The following ARRB2 variants were observed in gnomAD, a reference collection of about 807,000 sequenced individuals.
The protein encoded by ARRB2 is arrestin beta 2.
ARRB2 carries 21 observed loss-of-function variants against 53.4 expected under a neutral mutation model. That is an observed-to-expected ratio of 0.39 (90% CI 0.28 to 0.57). ARRB2 has a LOEUF of 0.57. ARRB2 is among the 20% of genes least tolerant of loss of function. The pLI, the probability that ARRB2 is intolerant of heterozygous loss-of-function variation, is 0.55. For synonymous variants in ARRB2, 180 were observed against 212.9 expected (o/e 0.85, Z 1.34); for missense variants, 369 against 527.5 (o/e 0.70, Z 2.94).
In ARRB2 at chr17:4,719,418, C is replaced by G; in HGVS notation, c.915C>G (p.Thr305=). 6.2e-7 allele frequency: 1 copy of G among 1,613,732 alleles called. No individual in the cohort carries two copies. The highest frequency in any genetic ancestry group is 8.5e-7 in the Non-Finnish European group (1 of 1,179,762). The change falls in exon 11 of 15, where the codon ACC becomes ACG. Residue 305 remains threonine (T), a splice_region_variant and synonymous_variant. Transcript: ENST00000269260. The part of the protein sequence containing the change: ...KHEDTNLASS[T]IVKEGANKEV... ...AGGACACCAACCTGGCTTCCAGCAC[C>G]ATGTGAGGGTGGGGCTGGGGCGGGT... is the stretch of plus-strand genomic sequence containing the variant.
At chr17:4,720,763 T>C in intron 14 of ARRB2, 123 bp downstream of exon 14, 3 of 1,089,574 alleles carry the variant, frequency 2.8e-6, no homozygotes, top group Non-Finnish European at 3.9e-6. Context: ...CAAATCAAGA[T>C]GCCTTAGCCT....
At chr17:4,711,751 T>G (rs1285493221) in intron 1 of ARRB2, among the ~76,000 whole-genome samples, 1 of 152,148 alleles carries the variant, frequency 6.6e-6, no homozygotes, top group Admixed American at 6.5e-5. Flanking sequence ...TGCTGACTTG[T>G]GGGAGGCCCC....
chr17:4,718,376 G>A (rs150965794), intron 9 of ARRB2, 31 bp downstream of exon 9: 11 of 1,587,898 alleles, frequency 6.9e-6, no homozygotes, highest in Middle Eastern at 1.7e-4. Flanking sequence ...GGGGGTCTTC[G>A]GGGAGGGCGT....
intron 1 of ARRB2, 115 bp from the exon 2 acceptor site, chr17:4,714,898 C>T: frequency 9.1e-7 from 1 of 1,102,788 alleles, no homozygotes; most frequent in Non-Finnish European, 1.3e-6. Context: ...CCCACAGCCT[C>T]AGGCAGGAGG....
chr17:4,715,119 C>A, intron 2 of ARRB2, 76 bp downstream of exon 2: 2 of 1,514,058 alleles, frequency 1.3e-6, no homozygotes, highest in East Asian at 2.3e-5. Context: ...AGACGATCCC[C>A]AACCTACCCA....
Position 4,718,030 on chromosome 17 carries a change from C to T in ARRB2, c.621+7C>T, listed in dbSNP as rs753693235. The T allele has an allele frequency of 1.1e-5, 18 of 1,612,704 alleles. No homozygotes were observed. Among genetic ancestry groups the T allele is most frequent in the East Asian group, 8.9e-5 (4 of 44,856 alleles). On this transcript the variant is annotated splice_region_variant and intron_variant, in intron 8 of 14. Transcript: ENST00000269260. Reference sequence around the variant, plus strand: ...GGCTTCCCTGGACAAGGAGGTGGGGCGTGAGAGGGTGACACGGATGCCACG... The same window carrying T: ...GGCTTCCCTGGACAAGGAGGTGGGGTGTGAGAGGGTGACACGGATGCCACG...
At position 4,716,539 on chromosome 17, in the gene ARRB2, G is replaced by GCCCC; in HGVS notation, c.291_294dup (p.Thr99ProfsTer49). On this transcript the variant is annotated frameshift_variant, in exon 5 of 15. Coordinates refer to ENST00000269260, the MANE Select transcript of ARRB2 (RefSeq NM_004313.4). LOFTEE classifies it high-confidence loss of function. Reference sequence around the variant, plus strand: ...TCCCCCCGGTGCCCAACCCACCCCGGCCCCCCACCCGCCTGCAGGACCGGC... The same window carrying GCCCC: ...TCCCCCCGGTGCCCAACCCACCCCGGCCCCCCCCCCACCCGCCTGCAGGACCGGC... 2 of 1,166,854 alleles carry GCCCC rather than the reference G, an allele frequency of 1.7e-6. No individual in the cohort carries two copies. The highest frequency in any genetic ancestry group is 1.2e-5 in the South Asian group (1 of 82,332). 72.3% of individuals were successfully genotyped at this position (1,166,854 alleles called of 1,614,324 possible).
chr17:4,715,811 C>T lies in ARRB2; in HGVS notation c.55-162C>T, dbSNP rs527786113. The T allele has an allele frequency of 1.7e-5, 13 of 756,534 alleles. No homozygotes were observed. The African/African-American group carries it at 2.1e-4, about 12-fold the overall frequency. The allele number at this position is 756,534 out of a possible 1,614,324, so 46.9% of individuals were successfully genotyped here. ...CCTAAAGGTCCACTAGTCTGAGAAACGCCACCACCCTCACTTTCCAACACT... is the reference window on the plus strand; with the variant it reads ...CCTAAAGGTCCACTAGTCTGAGAAATGCCACCACCCTCACTTTCCAACACT... On this transcript the variant is annotated intron_variant, in intron 2 of 14. Transcript: ENST00000269260.
chr17:4,720,037 A>T (rs1197877304), intron 11 of ARRB2, among the ~76,000 whole-genome samples, 179 bp from the exon 12 acceptor site: 1 of 152,178 alleles, frequency 6.6e-6, no homozygotes, highest in Non-Finnish European at 1.5e-5. Context: ...AGAGGAGCCA[A>T]GGAGGCTCTG....
Position 4,716,569 on chromosome 17 carries a change from G to A in ARRB2, c.318G>A (p.Leu106=), listed in dbSNP as rs769745875. 6 of 1,584,876 alleles carry A rather than the reference G, an allele frequency of 3.8e-6. No homozygotes were observed. In the Admixed American group the frequency reaches 5.3e-5, roughly 14 times the overall value. ...CCACCCGCCTGCAGGACCGGCTGCTGAGGAAGCTGGGCCAGCATGCCCACC... is the reference window on the plus strand; with the variant it reads ...CCACCCGCCTGCAGGACCGGCTGCTAAGGAAGCTGGGCCAGCATGCCCACC... ...RPPTRLQDRL[L]RKLGQHAHPF... Residue 106 remains leucine (L), a synonymous_variant, in exon 5 of 15, where the codon CTG becomes CTA. Coordinates refer to ENST00000269260, the MANE Select transcript of ARRB2 (RefSeq NM_004313.4).
At position 4,717,333 on chromosome 17, in the gene ARRB2, T is replaced by C. The variant is rs1567683609; in HGVS notation, c.417+57T>C. The C allele has an allele frequency of 4.4e-6, 7 of 1,587,452 alleles. No homozygotes were observed. Among genetic ancestry groups the C allele is most frequent in the Non-Finnish European group, 6.1e-6 (7 of 1,156,076 alleles). On this transcript the variant is annotated intron_variant, in intron 6 of 14. Coordinates refer to ENST00000269260, the MANE Select transcript of ARRB2 (RefSeq NM_004313.4). This position sits in a 1 kb window ranked among gnomAD's most constrained non-coding sequence, Gnocchi z 6.0. ...GGCAGGACATGGGCCAGCAGGAGCC[T>C]GGAGGCACAGCTGAGCCAGAGGGTG...
rs1030283674 is a variant in ARRB2 at position 4,711,103 on chromosome 17, CG to C, written c.23+366del. On this transcript the variant is annotated intron_variant, in intron 1 of 14. Transcript: ENST00000269260. ...TGTACGGGGAGGCTGGATGCCGGGA[CG>C]GGGGGGATCCACTCCAGACTCGCGC... Among the ~76,000 whole-genome samples the C allele has an allele frequency of 4.6e-5, 7 of 151,808 alleles. No individual in the cohort carries two copies. In the South Asian group the frequency reaches 8.3e-4, roughly 18 times the overall value.
chr17:4,717,999 C>G lies in ARRB2; in HGVS notation c.597C>G (p.His199Gln), dbSNP rs376881992. Reference protein sequence around the residue: ...RHFLMSDRSLHLEASLDKELY... With the variant: ...RHFLMSDRSLQLEASLDKELY... ...TCCTCATGTCTGACCGGTCCCTGCA[C>G]CTCGAGGCTTCCCTGGACAAGGAGG... The change falls in exon 8 of 15, where the codon CAC (histidine) becomes CAG (glutamine). Residue 199 changes from histidine (H) to glutamine (Q), a missense_variant. By Grantham distance (24) the His-to-Gln change is conservative. Coordinates refer to ENST00000269260, the MANE Select transcript of ARRB2 (RefSeq NM_004313.4). This position sits in a 1 kb window ranked among gnomAD's most constrained non-coding sequence, Gnocchi z 6.0. 37 of 1,613,602 alleles carry G rather than the reference C, an allele frequency of 2.3e-5. No individual in the cohort carries two copies. The African/African-American group carries it at 4.9e-4, about 21-fold the overall frequency.
In ARRB2 at chr17:4,718,636, T is replaced by C; in HGVS notation, c.731T>C (p.Leu244Pro). 6.2e-7 allele frequency: 1 copy of C among 1,613,804 alleles called. No individual in the cohort carries two copies. Among genetic ancestry groups the C allele is most frequent in the South Asian group, 1.1e-5 (1 of 91,080 alleles). ...VSVRQYADIC[L>P]FSTAQYKCPV... is the part of the protein sequence containing the mutation. ...GTGAGACAGTACGCCGACATCTGCCTCTTCAGCACCGCCCAGTACAAGTGT... is the reference window on the plus strand; with the variant it reads ...GTGAGACAGTACGCCGACATCTGCCCCTTCAGCACCGCCCAGTACAAGTGT... The change falls in exon 10 of 15, where the codon CTC (leucine) becomes CCC (proline). Residue 244 changes from leucine (L) to proline (P), a missense_variant. By Grantham distance (98) the Leu-to-Pro change is moderately conservative (BLOSUM62 -3). Coordinates refer to ENST00000269260, the MANE Select transcript of ARRB2 (RefSeq NM_004313.4).
intron 2 of ARRB2, 31 bp downstream of exon 2, chr17:4,715,074 C>T: frequency 1.3e-6 from 2 of 1,598,640 alleles, no homozygotes; most frequent in Non-Finnish European, 1.7e-6. Context: ...CCCTTTTGAC[C>T]CTCCCTGGGC....
rs754430222 is a variant in ARRB2 at position 4,718,299 on chromosome 17, C to T, written c.660C>T (p.His220=). Residue 220 remains histidine, a synonymous_variant, in exon 9 of 15, where the codon CAC becomes CAT. Coordinates refer to ENST00000269260, the MANE Select transcript of ARRB2 (RefSeq NM_004313.4). ...GGGAGCCCCTCAATGTAAATGTCCA[C>T]GTCACCAACAACTCCACCAAGACCG... The part of the protein sequence containing the change: ...YHGEPLNVNV[H]VTNNSTKTVK... 2 of 1,612,448 alleles carry T rather than the reference C, an allele frequency of 1.2e-6. No individual in the cohort carries two copies.
chr17:4,714,217 C>T (rs1021800546), intron 1 of ARRB2, among the ~76,000 whole-genome samples: 1 of 152,210 alleles, frequency 6.6e-6, no homozygotes, highest in Non-Finnish European at 1.5e-5. Flanking sequence ...AAGGAGCGAC[C>T]AGGGTCTGGG....
At chr17:4,716,954 C>T in intron 5 of ARRB2, 1 of 586,990 alleles carries the variant, frequency 1.7e-6, no homozygotes, top group South Asian at 2.0e-5. Flanking sequence ...TATGCCTCAG[C>T]CTCCCGAGTA....
rs765094176 is a variant in ARRB2 at position 4,718,252 on chromosome 17, C to G, written c.622-9C>G. The G allele has an allele frequency of 6.2e-6, 10 of 1,609,084 alleles. No individual in the cohort carries two copies. The highest frequency in any genetic ancestry group is 8.5e-6 in the Non-Finnish European group (10 of 1,177,440). Reference sequence around the variant, plus strand: ...AGTTCCAATTCACATGACCCCCTCCCCCCAAAAGCTGTACTACCATGGGGA... The same window carrying G: ...AGTTCCAATTCACATGACCCCCTCCGCCCAAAAGCTGTACTACCATGGGGA... On this transcript the variant is annotated splice_polypyrimidine_tract_variant and intron_variant, in intron 8 of 14. Coordinates refer to ENST00000269260, the MANE Select transcript of ARRB2 (RefSeq NM_004313.4).
Sources: gnomAD v4.1 joint callset for allele counts (sites outside exome capture counted in the v4.1 genomes callset) on GRCh38, gnomAD v4.1.1 for gene constraint, Gnocchi (gnomAD v3.1) non-coding constraint, MANE v1.5 for transcripts, NCBI Gene and HGNC (gene_info 2026-07-23, HGNC 2026-07-21) for gene names.